CNTN5: variants seen among roughly 807,000 people sequenced by gnomAD.
CNTN5 encodes contactin 5.
A neutral mutation model predicts 129.1 loss-of-function variants in CNTN5; 77 were observed. That is an observed-to-expected ratio of 0.60 (90% CI 0.50 to 0.72). CNTN5 has a LOEUF of 0.72. Ranked by LOEUF, CNTN5 falls within the 30% of genes least tolerant of loss-of-function variation. The probability of loss-of-function intolerance (pLI) is 0.00; values close to 1 mark genes in which losing one functional copy is unlikely to be tolerated. For missense variants in CNTN5, 1,478 were observed against 1,328.8 expected (o/e 1.11, Z -1.75); for synonymous variants, 509 against 465.6 (o/e 1.09, Z -1.20).
At chr11:99,617,931 A>T (rs957556578) in intron 3 of CNTN5, among the ~76,000 whole-genome samples, 3 of 152,204 alleles carry the variant, frequency 2.0e-5, no homozygotes, top group Non-Finnish European at 4.4e-5. Flanking sequence ...CATATTACTC[A>T]ACAACAAAGC....
chr11:100,145,210 A>G (rs989904370), intron 13 of CNTN5, among the ~76,000 whole-genome samples: 11 of 152,142 alleles, frequency 7.2e-5, no homozygotes, highest in Non-Finnish European at 1.5e-4. Flanking sequence ...ACGCCGCTAA[A>G]TCACTTAGCA....
At chr11:99,772,145 A>G (rs1239498767) in intron 3 of CNTN5, among the ~76,000 whole-genome samples, 1 of 151,450 alleles carries the variant, frequency 6.6e-6, no homozygotes, top group Non-Finnish European at 1.5e-5. Context: ...AAATTTTTCT[A>G]CTACATCAAT....
chr11:99,711,641 C>T (rs1019201548), intron 3 of CNTN5, among the ~76,000 whole-genome samples: 1 of 151,930 alleles, frequency 6.6e-6, no homozygotes, highest in South Asian at 2.1e-4. Flanking sequence ...AGCCCCCCAC[C>T]CCTTGACAGG....
chr11:99,253,466 T>G (rs1055269598), intron 1 of CNTN5, among the ~76,000 whole-genome samples: 1 of 152,100 alleles, frequency 6.6e-6, no homozygotes, highest in Admixed American at 6.6e-5. Context: ...TTGTATACCT[T>G]GTTCTTTTTT....
intron 3 of CNTN5, among the ~76,000 whole-genome samples, chr11:99,677,789 T>C (rs1188021265): frequency 2.0e-5 from 3 of 152,138 alleles, no homozygotes; most frequent in African/African-American, 7.2e-5. Context: ...GTGTAAACAT[T>C]TTCGTACTGA....
chr11:99,787,088 ATGT>A (rs1007321864), intron 3 of CNTN5, among the ~76,000 whole-genome samples: 196 of 40,180 alleles, frequency 4.9e-3, no homozygotes, highest in African/African-American at 0.016. Flanking sequence ...CTGAAACTAC[ATGT>A]TTTTTTTTTG....
chr11:99,244,076 T>C (rs1861701476), intron 1 of CNTN5, among the ~76,000 whole-genome samples: 1 of 152,162 alleles, frequency 6.6e-6, no homozygotes, highest in African/African-American at 2.4e-5. Context: ...TTTAATGATA[T>C]TGATTCTTCC....
chr11:99,713,447 GA>G (rs1955086239), intron 3 of CNTN5, among the ~76,000 whole-genome samples: 1 of 152,004 alleles, frequency 6.6e-6, no homozygotes, highest in Non-Finnish European at 1.5e-5. Context: ...TGCAAACAGA[GA>G]GAATTTGACT....
In CNTN5 at chr11:99,710,344, T is replaced by G. The variant is rs975878865; in HGVS notation, c.56-109200T>G. On this transcript the variant is annotated intron_variant, in intron 3 of 24. Transcript: ENST00000524871. The stretch of plus-strand genomic sequence containing the variant: ...TCCAGGATATAAGTGAATTCAGACT[T>G]TCTACAAACCCTTTTGTTCTAAATA... Among the ~76,000 whole-genome samples the G allele has an allele frequency of 7.9e-5, 12 of 151,986 alleles. No individual in the cohort carries two copies. In the South Asian group the frequency reaches 8.3e-4, roughly 11 times the overall value.
intron 2 of CNTN5, among the ~76,000 whole-genome samples, chr11:99,327,491 C>G (rs757482355): frequency 6.6e-6 from 1 of 152,048 alleles, no homozygotes; most frequent in Non-Finnish European, 1.5e-5. Context: ...GTACAGAGAA[C>G]CTGTGGAATC....
At chr11:99,212,638 T>C (rs1193832776) in intron 1 of CNTN5, among the ~76,000 whole-genome samples, 2 of 152,096 alleles carry the variant, frequency 1.3e-5, no homozygotes, top group Non-Finnish European at 2.9e-5. Context: ...CCACCCTTTA[T>C]TGTATTTATT....
rs547571069 is a variant in CNTN5, at chr11:99,955,490, A to G, written c.674-1316A>G. On this transcript the variant is annotated intron_variant, in intron 7 of 24. Coordinates refer to ENST00000524871, the MANE Select transcript of CNTN5 (RefSeq NM_014361.4). ...AATATTTGAAAGTTTTGGATTTTGT[A>G]TCTGTATATTGTAATTATGCATTAA... 2.6e-5 allele frequency among the ~76,000 whole-genome samples: 4 copies of G among 152,292 alleles called. No individual in the cohort carries two copies. The South Asian group carries it at 8.3e-4, about 32-fold the overall frequency.
intron 3 of CNTN5, among the ~76,000 whole-genome samples, chr11:99,813,932 A>AG (rs1376645607): frequency 3.9e-5 from 6 of 152,142 alleles, no homozygotes; most frequent in African/African-American, 1.4e-4. Flanking sequence ...CAAGGGAAGA[A>AG]GGGGGGATAA....
At chr11:100,177,676 A>G (rs1948010424) in intron 13 of CNTN5, among the ~76,000 whole-genome samples, 1 of 152,078 alleles carries the variant, frequency 6.6e-6, no homozygotes, top group Admixed American at 6.6e-5. Context: ...TGTATGTATA[A>G]TTGTCTTTCC....
At chr11:99,942,192 C>A (rs116187993) in intron 7 of CNTN5, among the ~76,000 whole-genome samples, 1 of 151,882 alleles carries the variant, frequency 6.6e-6, no homozygotes, top group Non-Finnish European at 1.5e-5. Flanking sequence ...CTGTATGCCA[C>A]GTTTGCACAG....
chr11:99,200,770 C>T (rs1344721142), intron 1 of CNTN5, among the ~76,000 whole-genome samples: 3 of 152,138 alleles, frequency 2.0e-5, no homozygotes, highest in Non-Finnish European at 4.4e-5. Context: ...ATGCATTCTA[C>T]ACAGTCCAAT....
intron 13 of CNTN5, among the ~76,000 whole-genome samples, chr11:100,134,518 G>A (rs1461918747): frequency 6.6e-6 from 1 of 152,136 alleles, no homozygotes; most frequent in African/African-American, 2.4e-5. Context: ...ATAAACTGGA[G>A]TTTTATTATT....
chr11:99,513,143 T>C (rs1946903981), intron 2 of CNTN5, among the ~76,000 whole-genome samples: 1 of 152,102 alleles, frequency 6.6e-6, no homozygotes. Context: ...GTGGTCTGGA[T>C]AGAGGATCAA....
intron 21 of CNTN5, chr11:100,337,520 C>T: frequency 1.3e-6 from 1 of 740,790 alleles, no homozygotes; most frequent in Non-Finnish European, 2.5e-6. Context: ...AGCTCAAACG[C>T]ATGTCTGTAT....
Sources: gnomAD v4.1 joint callset for allele counts (sites outside exome capture counted in the v4.1 genomes callset) on GRCh38, gnomAD v4.1.1 for gene constraint, MANE v1.5 for transcripts, NCBI Gene and HGNC (gene_info 2026-07-23, HGNC 2026-07-21) for gene names.